Variants in TNR observed in about 807,000 individuals in gnomAD.
TNR encodes the protein tenascin-R.
TNR carries 45 observed loss-of-function variants against 150.4 expected under a neutral mutation model. The ratio of observed to expected loss-of-function variants is 0.30; its 90% CI spans 0.24 to 0.38. TNR has a LOEUF of 0.38. Among genes scored for constraint, TNR ranks in the 10% least tolerant of loss-of-function variants. TNR has a pLI of 1.00. For missense variants in TNR, 1,544 were observed against 1,759.1 expected, an observed-to-expected ratio of 0.88 and a Z score of 2.19; for synonymous variants, 687 against 678.4, an observed-to-expected ratio of 1.01 and a Z score of -0.20.
At chr1:175,344,218 G>A (rs532953136) in intron 18 of TNR, among the ~76,000 whole-genome samples, 1 of 152,170 alleles carries the variant, frequency 6.6e-6, no homozygotes. Flanking sequence ...AGGGATGGCC[G>A]GTGCTTAGGG....
At chr1:175,647,610 A>G (rs971576505) in intron 1 of TNR, among the ~76,000 whole-genome samples, 1 of 152,146 alleles carries the variant, frequency 6.6e-6, no homozygotes, top group Non-Finnish European at 1.5e-5. Context: ...TAGTGTGTGA[A>G]ATGCCAATTA....
At chr1:175,689,524 C>A (rs1288699605) in intron 1 of TNR, among the ~76,000 whole-genome samples, 1 of 152,144 alleles carries the variant, frequency 6.6e-6, no homozygotes, top group Non-Finnish European at 1.5e-5. Context: ...AGGCTGCCAG[C>A]TCCCTTGAAT....
At chr1:175,389,450 T>C (rs1296062567) in intron 7 of TNR, among the ~76,000 whole-genome samples, 1 of 152,188 alleles carries the variant, frequency 6.6e-6, no homozygotes, top group Admixed American at 6.5e-5. Flanking sequence ...GGAGAAGAAA[T>C]GCTTCACAGA....
At chr1:175,732,555 G>T (rs78770312) in intron 1 of TNR, among the ~76,000 whole-genome samples, 2,929 of 152,356 alleles carry the variant, frequency 0.019, 99 homozygotes, top group African/African-American at 0.065. Flanking sequence ...AATAGTGACT[G>T]CTCTGGTCTT....
intron 2 of TNR, among the ~76,000 whole-genome samples, chr1:175,473,302 A>G (rs1336129053): frequency 2.0e-5 from 3 of 152,160 alleles, no homozygotes; most frequent in Non-Finnish European, 4.4e-5. Flanking sequence ...TCCTGTCAAT[A>G]TCATCACATC....
intron 2 of TNR, among the ~76,000 whole-genome samples, chr1:175,521,841 C>T (rs1363729916): frequency 6.6e-6 from 1 of 152,164 alleles, no homozygotes; most frequent in Non-Finnish European, 1.5e-5. Flanking sequence ...TACTGTAACA[C>T]AGCCAATGCC....
intron 5 of TNR, among the ~76,000 whole-genome samples, chr1:175,395,064 TA>T (rs68110024): frequency 1.2e-3 from 183 of 152,058 alleles, no homozygotes; most frequent in Non-Finnish European, 2.3e-3. Flanking sequence ...ATTTTTTTTT[TA>T]AAAAAAGGTC....
In TNR at chr1:175,599,388, A is replaced by G. The variant is rs1224026109; in HGVS notation, c.-164-71019T>C. Among the ~76,000 whole-genome samples, 3 of 152,206 alleles carry G rather than the reference A, an allele frequency of 2.0e-5. No homozygotes were observed. The highest frequency in any genetic ancestry group is 2.0e-4 in the Admixed American group (3 of 15,286). On this transcript the variant is annotated intron_variant, in intron 1 of 22. Coordinates refer to ENST00000367674, the MANE Select transcript of TNR (RefSeq NM_003285.3). This position sits in a 1 kb window ranked among gnomAD's most constrained non-coding sequence, Gnocchi z 4.7. ...TTCTGCTCACACCTCAGGCAGTCGG[A>G]GGGGCCCGGCGGAGCTGTGTTCGTG... is the stretch of plus-strand genomic sequence containing the variant.
intron 2 of TNR, among the ~76,000 whole-genome samples, chr1:175,408,419 G>T (rs1214724966): frequency 6.6e-6 from 1 of 152,156 alleles, no homozygotes; most frequent in African/African-American, 2.4e-5. Context: ...ATGCCTGAGG[G>T]TTGATTTTAT....
At chr1:175,637,072 T>C (rs761766778) in intron 1 of TNR, among the ~76,000 whole-genome samples, 1 of 152,232 alleles carries the variant, frequency 6.6e-6, no homozygotes, top group African/African-American at 2.4e-5. Flanking sequence ...GCTTGCAATA[T>C]CAGCCAGTTA....
At chr1:175,600,107 C>CTTA (rs2101846042) in intron 1 of TNR, among the ~76,000 whole-genome samples, 1 of 152,288 alleles carries the variant, frequency 6.6e-6, no homozygotes, top group South Asian at 2.1e-4. Flanking sequence ...CCCAGTTTTA[C>CTTA]CACTTGTATT....
chr1:175,386,029 T>C lies in TNR; in HGVS notation c.1777+3A>G. On this transcript the variant is annotated splice_donor_region_variant and intron_variant, in intron 8 of 22. Coordinates refer to ENST00000367674, the MANE Select transcript of TNR (RefSeq NM_003285.3). ...GTGCGTCTCTCCCCCACCGCAGCCT[T>C]ACCTGTTGTGAACTGAGTGGTGGCA... 1 of 1,572,288 alleles carries C rather than the reference T, an allele frequency of 6.4e-7. No homozygotes were observed. The highest frequency in any genetic ancestry group is 8.7e-7 in the Non-Finnish European group (1 of 1,154,968).
intron 1 of TNR, among the ~76,000 whole-genome samples, chr1:175,709,293 T>TCACA (rs201842928): frequency 1.0e-3 from 139 of 135,322 alleles, no homozygotes; most frequent in African/African-American, 3.6e-3. Flanking sequence ...TCCCTTGCTT[T>TCACA]CACACACACA....
chr1:175,734,020 T>G (rs988457959), intron 1 of TNR, among the ~76,000 whole-genome samples: 1 of 152,182 alleles, frequency 6.6e-6, no homozygotes, highest in African/African-American at 2.4e-5. Context: ...TCAGAGGCCT[T>G]GCAGCCAGGG....
chr1:175,698,607 G>A (rs1571764923), intron 1 of TNR, among the ~76,000 whole-genome samples: 1 of 152,230 alleles, frequency 6.6e-6, no homozygotes, highest in East Asian at 1.9e-4. Flanking sequence ...TGGGAGGCAA[G>A]AGGCGGGTGG....
intron 1 of TNR, among the ~76,000 whole-genome samples, chr1:175,724,627 G>C (rs1667428940): frequency 6.6e-6 from 1 of 152,038 alleles, no homozygotes; most frequent in South Asian, 2.1e-4. Context: ...TGGGGAATTT[G>C]ATTTATTGTT....
intron 18 of TNR, among the ~76,000 whole-genome samples, chr1:175,340,224 C>CG (rs1467214504): frequency 2.7e-5 from 4 of 150,452 alleles, no homozygotes; most frequent in Non-Finnish European, 5.9e-5. Context: ...GGTGGGGTGG[C>CG]GGGGGGCGGG....
intron 1 of TNR, among the ~76,000 whole-genome samples, chr1:175,588,177 T>A (rs1662651790): frequency 6.6e-6 from 1 of 152,250 alleles, no homozygotes; most frequent in African/African-American, 2.4e-5. Flanking sequence ...AGATATTCCA[T>A]AACCGCTTAA....
At chr1:175,511,997 C>T (rs1347477326) in intron 2 of TNR, among the ~76,000 whole-genome samples, 3 of 152,134 alleles carry the variant, frequency 2.0e-5, no homozygotes, top group Non-Finnish European at 2.9e-5. Flanking sequence ...TTAATAGGTG[C>T]TACAGCTATA....
Sources: gnomAD v4.1 joint callset for allele counts (sites outside exome capture counted in the v4.1 genomes callset) on GRCh38, gnomAD v4.1.1 for gene constraint, Gnocchi (gnomAD v3.1) non-coding constraint, MANE v1.5 for transcripts, NCBI Gene and HGNC (gene_info 2026-07-23, HGNC 2026-07-21) for gene names.